Variants in PCDHGA6 observed in about 807,000 individuals in gnomAD.
PCDHGA6 encodes protocadherin gamma subfamily A, 6.
Under a neutral mutation model 60.6 loss-of-function variants are expected in PCDHGA6, and 41 were observed. That is an observed-to-expected ratio of 0.68 (90% CI 0.53 to 0.88). PCDHGA6 has a LOEUF of 0.88. Among genes scored for constraint, PCDHGA6 ranks in the 40% least tolerant of loss-of-function variants. PCDHGA6 has a pLI of 0.00. For synonymous variants in PCDHGA6, 594 were observed against 524.4 expected (o/e 1.13, Z -1.81); for missense variants, 1,312 against 1,203.0 (o/e 1.09, Z -1.34).
chr5:141,430,509 G>T, intron 1 of PCDHGA6: 1 of 328,564 alleles, frequency 3.0e-6, no homozygotes. Flanking sequence ...GGGAGTTCAA[G>T]ATTGTGCAGT....
chr5:141,502,246 T>A (rs1449536622), intron 2 of PCDHGA6, among the ~76,000 whole-genome samples: 1 of 152,206 alleles, frequency 6.6e-6, no homozygotes, highest in African/African-American at 2.4e-5. Flanking sequence ...TTTATCCTTT[T>A]TTTTAATCCA....
At chr5:141,448,786 A>G (rs1354591718) in intron 1 of PCDHGA6, among the ~76,000 whole-genome samples, 1 of 148,848 alleles carries the variant, frequency 6.7e-6, no homozygotes, top group African/African-American at 2.5e-5. Context: ...TAAAAATACA[A>G]AAAAAAAAAT....
intron 1 of PCDHGA6, chr5:141,441,792 G>T: frequency 2.6e-6 from 1 of 389,292 alleles, no homozygotes; most frequent in Non-Finnish European, 5.1e-6. Context: ...GAATGACAAC[G>T]CACCGCGGGT....
intron 1 of PCDHGA6, chr5:141,396,614 C>G (rs904107360): frequency 1.3e-5 from 2 of 149,602 alleles, no homozygotes; most frequent in African/African-American, 4.9e-5. Flanking sequence ...GGTGAGACTC[C>G]GTCTCAAAAA....
rs548823035 is a variant in PCDHGA6 at position 141,499,447 on chromosome 5, C to T, written c.2483+4582C>T. ...AGAAAAAAAATTAAAAGGAAAACCA[C>T]CCATCATTTTACAATCTAGGGAGAA... On this transcript the variant is annotated intron_variant, in intron 2 of 3. Transcript: ENST00000517434. Among the ~76,000 whole-genome samples the T allele has an allele frequency of 3.8e-4, 58 of 152,250 alleles. 1 individual carries two copies. In the East Asian group the frequency reaches 9.1e-3, roughly 24 times the overall value.
rs2099702455 is a variant in PCDHGA6, at chr5:141,490,641, G to C, written c.2425-4166G>C. 6.2e-7 allele frequency: 1 copy of C among 1,614,042 alleles called. No homozygotes were observed. Among genetic ancestry groups the C allele is most frequent in the Admixed American group, 1.7e-5 (1 of 60,004 alleles). On this transcript the variant is annotated intron_variant, in intron 1 of 3. Coordinates refer to ENST00000517434, the MANE Select transcript of PCDHGA6 (RefSeq NM_018919.3). The surrounding 1 kb of genome is among the most constrained non-coding windows in gnomAD (Gnocchi z 5.4). ...ACACTGCTTACATCCTAGAAAACCG[G>C]CCTCCGGGCTCCCTTCTTTGCACTG...
intron 1 of PCDHGA6, among the ~76,000 whole-genome samples, chr5:141,386,959 G>A (rs1339408726): frequency 6.6e-6 from 1 of 152,220 alleles, no homozygotes; most frequent in Non-Finnish European, 1.5e-5. Flanking sequence ...CAGTGCAGCA[G>A]ATCTCAGTGA....
intron 1 of PCDHGA6, among the ~76,000 whole-genome samples, chr5:141,400,820 G>A (rs1419111099): frequency 6.6e-6 from 1 of 152,082 alleles, no homozygotes; most frequent in African/African-American, 2.4e-5. Context: ...TTACCTATTC[G>A]TTGTCTCATT....
At chr5:141,383,469 G>A (rs1779161077) in intron 1 of PCDHGA6, 1 of 1,613,786 alleles carries the variant, frequency 6.2e-7, no homozygotes, top group South Asian at 1.1e-5. Flanking sequence ...ATGAAACTAA[G>A]TACCCGGAAC....
intron 1 of PCDHGA6, chr5:141,410,538 T>TG (rs768720792): frequency 8.1e-6 from 13 of 1,613,830 alleles, no homozygotes; most frequent in Non-Finnish European, 1.1e-5. Flanking sequence ...AATGAAGACA[T>TG]GGTTTGCAGT....
intron 1 of PCDHGA6, chr5:141,478,453 C>T: frequency 6.2e-7 from 1 of 1,613,594 alleles, no homozygotes; most frequent in Non-Finnish European, 8.5e-7. Context: ...CTGGTGCAGC[C>T]AGTCCACTGG....
chr5:141,421,834 CGA>C lies in PCDHGA6; in HGVS notation c.2424+45332_2424+45333del, dbSNP rs763631483. The C allele has an allele frequency of 2.1e-5, 34 of 1,613,630 alleles. No homozygotes were observed. The Admixed American group carries it at 5.5e-4, about 26-fold the overall frequency. ...GCTAGTACTGGAGGGAAGCCTGGAC[CGA>C]GAGAAAGAGGCTGCTCACCTGCTCC... On this transcript the variant is annotated intron_variant, in intron 1 of 3. Transcript: ENST00000517434.
intron 1 of PCDHGA6, chr5:141,383,273 A>C: frequency 6.2e-7 from 1 of 1,613,960 alleles, no homozygotes; most frequent in Non-Finnish European, 8.5e-7. Flanking sequence ...GAAATAATAG[A>C]TATTAATGAC....
At chr5:141,466,104 AGAGT>A (rs2154569127) in intron 1 of PCDHGA6, among the ~76,000 whole-genome samples, 1 of 152,144 alleles carries the variant, frequency 6.6e-6, no homozygotes, top group Admixed American at 6.5e-5. Flanking sequence ...CCTGGGCAAC[AGAGT>A]GAGACTCCAG....
intron 1 of PCDHGA6, among the ~76,000 whole-genome samples, chr5:141,401,282 C>T (rs963741934): frequency 2.6e-5 from 4 of 151,884 alleles, no homozygotes; most frequent in Non-Finnish European, 4.4e-5. Flanking sequence ...GTGGAGGTTG[C>T]GGTGAGCCGA....
At chr5:141,389,463 G>A (rs1201903320) in intron 1 of PCDHGA6, 7 of 1,613,192 alleles carry the variant, frequency 4.3e-6, no homozygotes, top group South Asian at 1.1e-5. Context: ...GCGCGCCTTC[G>A]AACTCACACT....
intron 1 of PCDHGA6, chr5:141,403,617 G>A (rs369607013): frequency 1.8e-4 from 288 of 1,613,738 alleles, no homozygotes; most frequent in East Asian, 1.0e-3. Context: ...GAGCCGCGTC[G>A]CTCCAGCACA....
chr5:141,421,791 T>TG, intron 1 of PCDHGA6: 1 of 1,613,792 alleles, frequency 6.2e-7, no homozygotes, highest in Non-Finnish European at 8.5e-7. Flanking sequence ...GCAGAACGGA[T>TG]GGGGCCAAGA....
At chr5:141,480,871 C>T (rs1262582761) in intron 1 of PCDHGA6, among the ~76,000 whole-genome samples, 1 of 151,930 alleles carries the variant, frequency 6.6e-6, no homozygotes, top group Non-Finnish European at 1.5e-5. Context: ...ATGGTGAAAC[C>T]CCGTCTCTAC....
Sources: gnomAD v4.1 joint callset for allele counts (sites outside exome capture counted in the v4.1 genomes callset) on GRCh38, gnomAD v4.1.1 for gene constraint, Gnocchi (gnomAD v3.1) non-coding constraint, MANE v1.5 for transcripts, NCBI Gene and HGNC (gene_info 2026-07-23, HGNC 2026-07-21) for gene names.